Variants in POU6F2 observed in about 807,000 individuals in gnomAD.
POU6F2 encodes the protein POU domain, class 6, transcription factor 2.
POU6F2 carries 31 observed loss-of-function variants against 71.3 expected under a neutral mutation model. The ratio of observed to expected loss-of-function variants is 0.43; its 90% CI spans 0.33 to 0.59. The LOEUF is 0.59. Among genes scored for constraint, POU6F2 ranks in the 20% least tolerant of loss-of-function variants. POU6F2 has a pLI of 0.04. For missense variants in POU6F2, 783 were observed against 856.8 expected (o/e 0.91, Z 1.07); for synonymous variants, 347 against 355.7 (o/e 0.98, Z 0.27).
intron 5 of POU6F2, among the ~76,000 whole-genome samples, chr7:39,355,697 G>T (rs562885166): frequency 6.6e-6 from 1 of 152,052 alleles, no homozygotes; most frequent in African/African-American, 2.4e-5. Context: ...CCACACACAC[G>T]TATCTTCCAG....
At chr7:39,115,266 T>G (rs553001862) in intron 2 of POU6F2, among the ~76,000 whole-genome samples, 2 of 152,216 alleles carry the variant, frequency 1.3e-5, no homozygotes, top group Non-Finnish European at 2.9e-5. Context: ...TAACCATATC[T>G]TTTTTCTTAA....
intron 4 of POU6F2, among the ~76,000 whole-genome samples, chr7:39,323,554 G>C (rs1303016333): frequency 6.6e-6 from 1 of 152,146 alleles, no homozygotes; most frequent in Admixed American, 6.5e-5. Flanking sequence ...GAAGAGGTCA[G>C]AGTGTCTCTA....
At chr7:39,150,411 T>C (rs1004694715) in intron 2 of POU6F2, among the ~76,000 whole-genome samples, 1 of 152,026 alleles carries the variant, frequency 6.6e-6, no homozygotes, top group African/African-American at 2.4e-5. Context: ...TTTACTTTTA[T>C]TTTCTTTGGG....
intron 7 of POU6F2, among the ~76,000 whole-genome samples, chr7:39,449,349 A>T (rs1477247387): frequency 3.3e-5 from 5 of 152,220 alleles, no homozygotes; most frequent in Admixed American, 6.5e-5. Context: ...ATAGCTCCTT[A>T]AGCACATTTC....
chr7:38,981,481 T>C (rs1466400472), intron 1 of POU6F2, among the ~76,000 whole-genome samples: 1 of 152,194 alleles, frequency 6.6e-6, no homozygotes, highest in Non-Finnish European at 1.5e-5. Flanking sequence ...AGACTGACTT[T>C]TGCAAATATT....
At chr7:39,095,631 C>T (rs1036281386) in intron 2 of POU6F2, among the ~76,000 whole-genome samples, 1 of 152,080 alleles carries the variant, frequency 6.6e-6, no homozygotes, top group African/African-American at 2.4e-5. Context: ...TGACAGAGGT[C>T]TGAGAAAAGA....
chr7:39,005,971 T>C (rs1789053501), intron 1 of POU6F2, among the ~76,000 whole-genome samples: 2 of 152,184 alleles, frequency 1.3e-5, no homozygotes, highest in Admixed American at 6.5e-5. Context: ...TATTTAATTG[T>C]AGAATCTAAG....
At chr7:39,449,135 C>G (rs543842612) in intron 7 of POU6F2, among the ~76,000 whole-genome samples, 1 of 152,200 alleles carries the variant, frequency 6.6e-6, no homozygotes, top group South Asian at 2.1e-4. Flanking sequence ...GAAATGCAAC[C>G]TCAGGCAATT....
rs188604170 is a variant in POU6F2 at position 39,434,906 on chromosome 7, A to G, written c.1320+1623A>G. On this transcript the variant is annotated intron_variant, in intron 7 of 9. Coordinates refer to ENST00000518318, the MANE Select transcript of POU6F2 (RefSeq NM_001370959.1). ...GTGTTTGGTTTTCTTTTCCTGTGTT[A>G]GTTTGCTGAGGATGATGGCTTCCAG... Among the ~76,000 whole-genome samples the G allele has an allele frequency of 1.1e-3, 171 of 152,150 alleles. 1 individual carries two copies. Among genetic ancestry groups the G allele is most frequent in the Admixed American group, 3.1e-3 (48 of 15,292 alleles).
At chr7:39,079,379 G>A (rs948264662) in intron 1 of POU6F2, among the ~76,000 whole-genome samples, 3 of 151,684 alleles carry the variant, frequency 2.0e-5, no homozygotes, top group East Asian at 1.9e-4. Context: ...TAGTTCCACC[G>A]TGTTGGCCAG....
intron 1 of POU6F2, among the ~76,000 whole-genome samples, chr7:39,067,799 A>C (rs1167592564): frequency 6.6e-6 from 1 of 152,182 alleles, no homozygotes; most frequent in Non-Finnish European, 1.5e-5. Context: ...TAAAAGAAGA[A>C]ACTTAATTAG....
At chr7:39,089,137 G>A (rs1020645605) in intron 2 of POU6F2, among the ~76,000 whole-genome samples, 2 of 152,182 alleles carry the variant, frequency 1.3e-5, no homozygotes, top group Non-Finnish European at 2.9e-5. Context: ...AATTACATCA[G>A]TGGTAACGTT....
At chr7:39,406,538 T>C in intron 5 of POU6F2, 62 bp from the exon 6 acceptor site, 1 of 1,572,430 alleles carries the variant, frequency 6.4e-7, no homozygotes, top group Non-Finnish European at 8.6e-7. Flanking sequence ...GTCAATGTTG[T>C]GTCCGTGTGC....
intron 2 of POU6F2, among the ~76,000 whole-genome samples, chr7:39,144,837 G>A (rs1470642732): frequency 1.3e-5 from 2 of 152,296 alleles, no homozygotes; most frequent in South Asian, 2.1e-4. Flanking sequence ...CACACTGCAG[G>A]AACACAGCTC....
At chr7:39,419,038 C>CAT (rs1171767707) in intron 6 of POU6F2, among the ~76,000 whole-genome samples, 1 of 137,916 alleles carries the variant, frequency 7.3e-6, no homozygotes, top group Admixed American at 7.4e-5. Flanking sequence ...TGTATATATA[C>CAT]ATATATATGT....
chr7:39,040,847 C>T (rs1187211235), intron 1 of POU6F2, among the ~76,000 whole-genome samples: 1 of 151,858 alleles, frequency 6.6e-6, no homozygotes, highest in Non-Finnish European at 1.5e-5. Context: ...TTTCTGTTTA[C>T]CCTTCCTGAC....
At position 39,433,232 on chromosome 7, in the gene POU6F2, C is replaced by G. The variant is rs201471567; in HGVS notation, c.1269C>G (p.Pro423=). The G allele has an allele frequency of 7.4e-6, 12 of 1,613,814 alleles. No homozygotes were observed. The highest frequency in any genetic ancestry group is 1.0e-5 in the Non-Finnish European group (12 of 1,179,892). The change falls in exon 7 of 10, where the codon CCC becomes CCG. Residue 423 remains proline (P), a synonymous_variant. Transcript: ENST00000518318. ...CAGTCATTGGGAACCAGATCCTGCC[C>G]GTGATCAACACCCAGGGCATCACGC... ...IATVIGNQIL[P]VINTQGITLS...
In POU6F2 at chr7:39,262,354, G is replaced by A. The variant is rs544966707; in HGVS notation, c.598+54734G>A. On this transcript the variant is annotated intron_variant, in intron 4 of 9. Coordinates refer to ENST00000518318, the MANE Select transcript of POU6F2 (RefSeq NM_001370959.1). ...TGAGCTTGTGCCCATAGTCACAGCGGCTGGAGATCCTGACAAGCCCAAGTC... is the reference window on the plus strand; with the variant it reads ...TGAGCTTGTGCCCATAGTCACAGCGACTGGAGATCCTGACAAGCCCAAGTC... Among the ~76,000 whole-genome samples the A allele has an allele frequency of 5.9e-5, 9 of 152,294 alleles. 1 individual carries two copies. In the South Asian group the frequency reaches 1.4e-3, roughly 25 times the overall value.
chr7:39,075,100 C>T (rs916898376), intron 1 of POU6F2, among the ~76,000 whole-genome samples: 4 of 152,234 alleles, frequency 2.6e-5, no homozygotes, highest in Non-Finnish European at 5.9e-5. Flanking sequence ...TGAGGCTGGC[C>T]ACAGACTGTC....
Sources: gnomAD v4.1 joint callset for allele counts (sites outside exome capture counted in the v4.1 genomes callset) on GRCh38, gnomAD v4.1.1 for gene constraint, MANE v1.5 for transcripts, NCBI Gene and HGNC (gene_info 2026-07-23, HGNC 2026-07-21) for gene names.